The following LARP1B variants were observed in gnomAD, a reference collection of about 807,000 sequenced individuals.
The protein encoded by LARP1B is la-related protein 1B.
Under a neutral mutation model 114.2 loss-of-function variants are expected in LARP1B, and 76 were observed. That is an observed-to-expected ratio of 0.67 (90% CI 0.55 to 0.81). The LOEUF (loss-of-function observed/expected upper bound fraction) is 0.81. LARP1B is among the 30% of genes least tolerant of loss of function. The probability of loss-of-function intolerance (pLI) is 0.00; values close to 1 mark genes in which losing one functional copy is unlikely to be tolerated. For missense variants in LARP1B, 1,014 were observed against 1,075.8 expected, an observed-to-expected ratio of 0.94 and a Z score of 0.80; for synonymous variants, 345 against 348.0, an observed-to-expected ratio of 0.99 and a Z score of 0.10.
At position 128,114,650 on chromosome 4, in the gene LARP1B, T is replaced by G; in HGVS notation, c.1069T>G (p.Ser357Ala). 1 of 1,613,940 alleles carries G rather than the reference T, an allele frequency of 6.2e-7. No homozygotes were observed. The highest frequency in any genetic ancestry group is 8.5e-7 in the Non-Finnish European group (1 of 1,179,852). The part of the protein sequence containing the change: ...NSETSILQAM[S>A]RGLSTSLPDL... ...TGAAACAAGTATTCTTCAAGCAATG[T>G]CTAGAGGTTTGTCTACCAGTTTGCC... is the stretch of plus-strand genomic sequence containing the variant. The change falls in exon 10 of 20, where the codon TCT (serine) becomes GCT (alanine). Residue 357 changes from serine (S) to alanine (A), a missense_variant. Coordinates refer to ENST00000326639, the MANE Select transcript of LARP1B (RefSeq NM_018078.4).
At chr4:128,107,081 A>C (rs1356892767) in intron 8 of LARP1B, 58 bp from the exon 9 acceptor site, 2 of 1,395,448 alleles carry the variant, frequency 1.4e-6, no homozygotes, top group Non-Finnish European at 2.0e-6. Context: ...GGTTCTTAGA[A>C]GTATAGCACA....
chr4:128,200,883 T>C (rs1461712902), intron 17 of LARP1B, among the ~76,000 whole-genome samples: 2 of 152,198 alleles, frequency 1.3e-5, no homozygotes, highest in African/African-American at 4.8e-5. Context: ...CAAAACTCCA[T>C]AGGTTAAAAC....
chr4:128,173,353 A>G (rs1744642698), intron 12 of LARP1B, among the ~76,000 whole-genome samples: 1 of 152,176 alleles, frequency 6.6e-6, no homozygotes, highest in Non-Finnish European at 1.5e-5. Context: ...ACTATCTAAC[A>G]TTTGTAGGAA....
chr4:128,200,974 C>A (rs1755760002), intron 17 of LARP1B, among the ~76,000 whole-genome samples: 1 of 152,248 alleles, frequency 6.6e-6, no homozygotes, highest in Non-Finnish European at 1.5e-5. Context: ...CTTATGGTTT[C>A]TCATGAGCTT....
intron 10 of LARP1B, among the ~76,000 whole-genome samples, chr4:128,118,082 A>ATTTTTTTTTTTT (rs34699544): frequency 5.2e-5 from 4 of 76,748 alleles, no homozygotes; most frequent in Admixed American, 1.9e-4. Context: ...GGCCCGGCTA[A>ATTTTTTTTTTTT]TTTTTTTTTT....
At chr4:128,213,366 C>T (rs1759243466), downstream of LARP1B, among the ~76,000 whole-genome samples, 1 of 152,010 alleles carries the variant, frequency 6.6e-6, no homozygotes, top group East Asian at 1.9e-4. Flanking sequence ...CTTGAAAATA[C>T]CCCTTACGTT....
chr4:128,217,055 C>T (rs1248598706), intron 6 of LARP1B, among the ~76,000 whole-genome samples: 1 of 150,122 alleles, frequency 6.7e-6, no homozygotes, highest in African/African-American at 2.4e-5. Context: ...GAAATGGATA[C>T]ATTCCTCGAC....
rs899215042 is a variant in LARP1B at position 128,061,414 on chromosome 4, G to C, written c.-78+13G>C. 9.8e-5 allele frequency: 15 copies of C among 153,358 alleles called. No homozygotes were observed. Among genetic ancestry groups the C allele is most frequent in the Non-Finnish European group, 2.9e-5 (2 of 69,350 alleles). 9.5% of individuals were successfully genotyped at this position (153,358 alleles called of 1,614,324 possible). The stretch of plus-strand genomic sequence containing the variant: ...TGCCCTGCGCCAGGTGAGGGCTCGC[G>C]GCTCCCGGCTGCGGCTCCCGGCGCG... On this transcript the variant is annotated intron_variant, in intron 1 of 19. Coordinates refer to ENST00000326639, the MANE Select transcript of LARP1B (RefSeq NM_018078.4).
At chr4:128,113,351 C>CTTTTTTTTT (rs781192228) in intron 9 of LARP1B, among the ~76,000 whole-genome samples, 6 of 136,702 alleles carry the variant, frequency 4.4e-5, no homozygotes, top group Admixed American at 7.4e-5. Context: ...TTCTTTTTTT[C>CTTTTTTTTT]TTTTTTTTTT....
Position 128,210,066 on chromosome 4 carries a change from G to A in LARP1B, c.*13G>A. ...CAATTCACATTAAACAGTGCTGCCTGTGTCCTGTGGTCTCAAGAAATGGTG... is the reference window on the plus strand; with the variant it reads ...CAATTCACATTAAACAGTGCTGCCTATGTCCTGTGGTCTCAAGAAATGGTG... On this transcript the variant is annotated 3_prime_UTR_variant, in exon 20 of 20. Transcript: ENST00000326639. The A allele has an allele frequency of 6.2e-7, 1 of 1,613,744 alleles. No individual in the cohort carries two copies. Among genetic ancestry groups the A allele is most frequent in the South Asian group, 1.1e-5 (1 of 91,044 alleles).
At chr4:128,176,660 T>G (rs1299642278) in intron 12 of LARP1B, among the ~76,000 whole-genome samples, 7 of 152,160 alleles carry the variant, frequency 4.6e-5, no homozygotes, top group Non-Finnish European at 8.8e-5. Context: ...TAGCATTCCT[T>G]TGATGAGGAT....
chr4:128,206,466 G>C lies in LARP1B; in HGVS notation c.2348G>C (p.Gly783Ala), dbSNP rs1290455091. The C allele has an allele frequency of 6.2e-7, 1 of 1,612,684 alleles. No homozygotes were observed. Among genetic ancestry groups the C allele is most frequent in the South Asian group, 1.1e-5 (1 of 90,670 alleles). The change falls in exon 18 of 20, where the codon GGA becomes GCA. Residue 783 changes from glycine (G) to alanine (A), a missense_variant. Transcript: ENST00000326639. ...TGTCTGTTCAGGTTTTATAGTTATG[G>C]ACTGGAAAAAAAATTCAGGCGAGAA... ...LECLFRFYSY[G>A]LEKKFRREIF...
At chr4:128,090,508 G>A (rs926160590) in intron 5 of LARP1B, among the ~76,000 whole-genome samples, 1 of 152,106 alleles carries the variant, frequency 6.6e-6, no homozygotes, top group Non-Finnish European at 1.5e-5. Flanking sequence ...AGAGAGAGTC[G>A]TATGAGTTCT....
chr4:128,083,805 C>G (rs1441803790), intron 5 of LARP1B, among the ~76,000 whole-genome samples: 1 of 149,838 alleles, frequency 6.7e-6, no homozygotes, highest in Non-Finnish European at 1.5e-5. Context: ...GGGGGCTGAC[C>G]CCCCCACCTC....
intron 1 of LARP1B, among the ~76,000 whole-genome samples, chr4:128,065,308 TC>T (rs1762194953): frequency 1.1e-5 from 1 of 93,562 alleles, no homozygotes; most frequent in Non-Finnish European, 2.4e-5. Context: ...TTTCTTTCTT[TC>T]TTTCTTTCTC....
intron 1 of LARP1B, chr4:128,069,309 C>T (rs1452519005): frequency 1.2e-6 from 1 of 836,630 alleles, no homozygotes; most frequent in Non-Finnish European, 2.1e-6. Flanking sequence ...ACAGTGGCAT[C>T]CAGCTTGCCG....
chr4:128,208,071 T>A (rs1437282089), intron 19 of LARP1B, among the ~76,000 whole-genome samples: 1 of 152,218 alleles, frequency 6.6e-6, no homozygotes, highest in Admixed American at 6.5e-5. Flanking sequence ...CTCACACCTG[T>A]AATTCCAGCA....
rs374909039 is a variant in LARP1B, at chr4:128,079,188, G to A, written c.217+1226G>A. ...TGACTCACTGCAACCTCTGCCTCCC[G>A]GGTTCTAGGAATTCTTCTGCCTCAG... is the stretch of plus-strand genomic sequence containing the variant. On this transcript the variant is annotated intron_variant, in intron 4 of 19. Transcript: ENST00000326639. 1.3e-4 allele frequency among the ~76,000 whole-genome samples: 19 copies of A among 150,912 alleles called. No individual in the cohort carries two copies. The East Asian group carries it at 1.4e-3, about 11-fold the overall frequency.
chr4:128,098,771 T>TTTTA (rs1779183180), intron 8 of LARP1B, among the ~76,000 whole-genome samples: 1 of 18,044 alleles, frequency 5.5e-5, no homozygotes, highest in Non-Finnish European at 9.6e-5. Flanking sequence ...ATATATATTT[T>TTTTA]TTTTTTTTTT....
Sources: allele counts gnomAD v4.1 joint callset (sites outside exome capture counted in the v4.1 genomes callset), GRCh38; gene constraint gnomAD v4.1.1; transcripts MANE v1.5; gene names NCBI Gene and HGNC (gene_info 2026-07-23, HGNC 2026-07-21).